IQSEC1: variants seen among roughly 807,000 people sequenced by gnomAD.
IQSEC1 encodes IQ motif and SEC7 domain-containing protein 1.
Under a neutral mutation model 91.0 loss-of-function variants are expected in IQSEC1, and 31 were observed. The observed-to-expected ratio is 0.34, with a 90% CI of 0.26 to 0.46. The LOEUF is 0.46. Ranked by LOEUF, IQSEC1 falls within the 20% of genes least tolerant of loss-of-function variation. IQSEC1 has a pLI of 1.00. For synonymous variants in IQSEC1, 699 were observed against 662.6 expected, an observed-to-expected ratio of 1.05 and a Z score of -0.84; for missense variants, 1,388 against 1,575.6, an observed-to-expected ratio of 0.88 and a Z score of 2.02.
At position 13,240,974 on chromosome 3, in the gene IQSEC1, TCAG is replaced by T. The variant is rs1695012556; in HGVS notation, c.272+41734_272+41736del. 2.0e-5 allele frequency among the ~76,000 whole-genome samples: 3 copies of T among 152,308 alleles called. No individual in the cohort carries two copies. In the South Asian group the frequency reaches 6.2e-4, roughly 32 times the overall value. ...TCTTCCTTCTCCTAAGTGATCAACT[TCAG>T]CAGCATGTCCCAGTTTCTGTTTGGC... On this transcript the variant is annotated intron_variant, in intron 1 of 15. Coordinates refer to the IQSEC1 transcript ENST00000648114.
intron 1 of IQSEC1, among the ~76,000 whole-genome samples, chr3:13,164,719 C>T (rs893868870): frequency 5.9e-5 from 9 of 152,200 alleles, no homozygotes; most frequent in South Asian, 4.1e-4. Flanking sequence ...ACTGTGACTA[C>T]GCGGTATTGA....
At chr3:13,150,756 T>C (rs924096693) in intron 2 of IQSEC1, among the ~76,000 whole-genome samples, 1 of 152,152 alleles carries the variant, frequency 6.6e-6, no homozygotes, top group Non-Finnish European at 1.5e-5. Flanking sequence ...AATCACACAG[T>C]TGTGGTCCCT....
intron 1 of IQSEC1, among the ~76,000 whole-genome samples, chr3:13,012,651 G>C (rs1348078964): frequency 6.6e-6 from 1 of 152,216 alleles, no homozygotes. Context: ...CAGAGCCAGG[G>C]ATGCCCACAT....
intron 2 of IQSEC1, among the ~76,000 whole-genome samples, chr3:13,134,971 G>A (rs1335688639): frequency 1.3e-5 from 2 of 152,166 alleles, no homozygotes; most frequent in Admixed American, 6.5e-5. Flanking sequence ...ACCCCATGAG[G>A]ACTGGGGAAT....
chr3:13,025,486 C>A (rs377584487), intron 1 of IQSEC1, among the ~76,000 whole-genome samples: 10 of 152,144 alleles, frequency 6.6e-5, no homozygotes, highest in African/African-American at 1.9e-4. Context: ...TTGAAGGGGA[C>A]CCTGCTTGGG....
intron 1 of IQSEC1, among the ~76,000 whole-genome samples, chr3:13,265,842 C>G (rs1226878847): frequency 6.6e-6 from 1 of 150,610 alleles, no homozygotes; most frequent in Non-Finnish European, 1.5e-5. Flanking sequence ...CACATGTAAC[C>G]ACCAGAGAGG....
chr3:13,018,162 G>A (rs992732008), intron 1 of IQSEC1, among the ~76,000 whole-genome samples: 4 of 152,238 alleles, frequency 2.6e-5, no homozygotes, highest in African/African-American at 7.2e-5. Context: ...CGTCAGAGCT[G>A]CCTAGGCATG....
intron 12 of IQSEC1, among the ~76,000 whole-genome samples, chr3:12,906,325 C>A (rs1321422577): frequency 6.6e-6 from 1 of 152,204 alleles, no homozygotes; most frequent in Non-Finnish European, 1.5e-5. Context: ...CATGCTGCCG[C>A]TGGGGAGCTT....
At chr3:13,074,260 C>G (rs1471383490), upstream of IQSEC1, among the ~76,000 whole-genome samples, 3 of 152,092 alleles carry the variant, frequency 2.0e-5, no homozygotes, top group African/African-American at 7.2e-5. Flanking sequence ...ACTCGGATGA[C>G]GCAAGAAGCA....
chr3:13,069,784 G>A (rs1019223202), intron 1 of IQSEC1, among the ~76,000 whole-genome samples: 1 of 152,204 alleles, frequency 6.6e-6, no homozygotes, highest in Non-Finnish European at 1.5e-5. Flanking sequence ...AAAGGATGCT[G>A]TAGTTACAGA....
intron 13 of IQSEC1, 65 bp from the exon 14 acceptor site, chr3:12,901,587 T>C: frequency 7.6e-7 from 1 of 1,319,002 alleles, no homozygotes; most frequent in Non-Finnish European, 1.0e-6. Flanking sequence ...AGAATGATTT[T>C]TTTTTTTCAA....
intron 1 of IQSEC1, among the ~76,000 whole-genome samples, chr3:13,208,579 T>C (rs917392291): frequency 1.3e-5 from 2 of 152,200 alleles, no homozygotes; most frequent in South Asian, 4.1e-4. Context: ...CCCAGCATTC[T>C]TGATGGATTC....
At position 12,979,038 on chromosome 3, in the gene IQSEC1, C is replaced by T. The variant is rs1372444490; in HGVS notation, c.24-37173G>A. Among the ~76,000 whole-genome samples, 4 of 152,190 alleles carry T rather than the reference C, an allele frequency of 2.6e-5. No individual in the cohort carries two copies. The highest frequency in any genetic ancestry group is 6.5e-5 in the Admixed American group (1 of 15,280). ...ATGGGTGCGCTGTGGGGCATGAGGC[C>T]AGTGGACCGAGCAGGAGCTTCATCC... is the stretch of plus-strand genomic sequence containing the variant. On this transcript the variant is annotated intron_variant, in intron 1 of 13. Coordinates refer to ENST00000613206, the MANE Select transcript of IQSEC1 (RefSeq NM_001134382.3). The surrounding 1 kb of genome is among the most constrained non-coding windows in gnomAD (Gnocchi z 4.3).
intron 1 of IQSEC1, among the ~76,000 whole-genome samples, chr3:13,262,931 G>A (rs1034779253): frequency 6.6e-6 from 1 of 152,182 alleles, no homozygotes; most frequent in African/African-American, 2.4e-5. Flanking sequence ...CAGAGTTTCA[G>A]TGTGGGAGGA....
chr3:13,240,263 T>G (rs1267005897), intron 1 of IQSEC1, among the ~76,000 whole-genome samples: 1 of 152,072 alleles, frequency 6.6e-6, no homozygotes, highest in Admixed American at 6.5e-5. Context: ...GGTATGTGCC[T>G]ACAGTCCCAG....
chr3:12,906,522 AG>A (rs879857135), intron 12 of IQSEC1, among the ~76,000 whole-genome samples: 1 of 152,208 alleles, frequency 6.6e-6, no homozygotes, highest in Non-Finnish European at 1.5e-5. Context: ...TTCGGGGTAC[AG>A]GGGGGTCCCT....
rs1700661962 is a variant in IQSEC1, at chr3:12,967,513, G to A, written c.24-25648C>T. On this transcript the variant is annotated intron_variant, in intron 1 of 13. Transcript: ENST00000613206. The surrounding 1 kb of genome is among the most constrained non-coding windows in gnomAD (Gnocchi z 5.9). ...GGACCCAGGCCCAGCAGAGGCCGCC[G>A]ACTCCCGCCAGCGAGCCGCCGGATC... 77 of 1,418,212 alleles carry A rather than the reference G, an allele frequency of 5.4e-5. 1 individual carries two copies. The South Asian group carries it at 1.1e-3, about 20-fold the overall frequency. 87.9% of individuals were successfully genotyped at this position (1,418,212 alleles called of 1,614,324 possible).
At chr3:13,218,597 AT>A (rs773402578) in intron 1 of IQSEC1, among the ~76,000 whole-genome samples, 1 of 152,104 alleles carries the variant, frequency 6.6e-6, no homozygotes, top group Non-Finnish European at 1.5e-5. Flanking sequence ...GGTTTTTAAA[AT>A]TTTTTCATGG....
chr3:13,218,158 G>A (rs1186808365), intron 1 of IQSEC1, among the ~76,000 whole-genome samples: 2 of 152,212 alleles, frequency 1.3e-5, no homozygotes, highest in African/African-American at 4.8e-5. Context: ...GTGGGAGCAG[G>A]AGTGACCTAG....
Sources: allele counts gnomAD v4.1 joint callset (sites outside exome capture counted in the v4.1 genomes callset), GRCh38; gene constraint gnomAD v4.1.1; non-coding constraint Gnocchi (gnomAD v3.1); transcripts MANE v1.5; gene names NCBI Gene and HGNC (gene_info 2026-07-23, HGNC 2026-07-21).